Variants in C2CD5 observed in about 807,000 individuals in gnomAD.
C2CD5 encodes the protein C2 domain-containing protein 5.
C2CD5 carries 109 observed loss-of-function variants against 130.3 expected under a neutral mutation model. The ratio of observed to expected loss-of-function variants is 0.84; its 90% confidence interval spans 0.72 to 0.98. The LOEUF is 0.98. Among genes scored for constraint, C2CD5 ranks in the 50% least tolerant of loss-of-function variants. The probability of loss-of-function intolerance (pLI) is 0.00; values close to 1 mark genes in which losing one functional copy is unlikely to be tolerated. For missense variants in C2CD5, 996 were observed against 1,261.8 expected, an observed-to-expected ratio of 0.79 and a Z score of 3.19; for synonymous variants, 454 against 429.2, an observed-to-expected ratio of 1.06 and a Z score of -0.71.
intron 15 of C2CD5, 43 bp from the exon 16 acceptor site, chr12:22,474,934 T>C (rs1324403464): frequency 2.9e-6 from 4 of 1,382,336 alleles, no homozygotes; most frequent in South Asian, 1.6e-5. Flanking sequence ...AGATTGTCTT[T>C]TCCAGTTTAA....
At chr12:22,477,840 A>G (rs189244796) in intron 15 of C2CD5, among the ~76,000 whole-genome samples, 141 of 152,292 alleles carry the variant, frequency 9.3e-4, no homozygotes, top group African/African-American at 3.2e-3. Flanking sequence ...TTTACCACCA[A>G]TAAGAATCTC....
chr12:22,453,479 T>G (rs1939132027), intron 26 of C2CD5, among the ~76,000 whole-genome samples: 1 of 152,206 alleles, frequency 6.6e-6, no homozygotes, highest in Non-Finnish European at 1.5e-5. Context: ...AGAATAACAC[T>G]ACTTACTAGA....
chr12:22,514,753 T>C (rs1163556627), intron 8 of C2CD5, among the ~76,000 whole-genome samples: 1 of 151,984 alleles, frequency 6.6e-6, no homozygotes, highest in Non-Finnish European at 1.5e-5. Context: ...TATGTCCTTA[T>C]ATAATTTTTT....
chr12:22,485,550 G>A (rs903394503), intron 12 of C2CD5, among the ~76,000 whole-genome samples: 1 of 151,678 alleles, frequency 6.6e-6, no homozygotes, highest in African/African-American at 2.4e-5. Flanking sequence ...AAAATAGTAA[G>A]TCAAAAACAG....
chr12:22,538,201 CT>C (rs1277762750), intron 2 of C2CD5, among the ~76,000 whole-genome samples: 1 of 152,134 alleles, frequency 6.6e-6, no homozygotes, highest in Admixed American at 6.5e-5. Context: ...GTTTAGTCAT[CT>C]TTTTTTGCAT....
chr12:22,499,831 T>G (rs1947522296), intron 10 of C2CD5, among the ~76,000 whole-genome samples: 1 of 152,242 alleles, frequency 6.6e-6, no homozygotes, highest in African/African-American at 2.4e-5. Context: ...AGCAGCATGA[T>G]AAGTAAAGGT....
At chr12:22,484,634 A>T in intron 13 of C2CD5, 63 bp downstream of exon 13, 1 of 840,576 alleles carries the variant, frequency 1.2e-6, no homozygotes, top group African/African-American at 1.8e-5. Flanking sequence ...ACTTAAAAAT[A>T]GGTTTACGGC....
chr12:22,482,259 C>A (rs530620224), intron 14 of C2CD5, among the ~76,000 whole-genome samples: 5 of 152,222 alleles, frequency 3.3e-5, no homozygotes, highest in Admixed American at 6.5e-5. Context: ...GATGGAGGAA[C>A]CCTGTTTTAG....
At chr12:22,476,460 C>T (rs1389279697) in intron 15 of C2CD5, among the ~76,000 whole-genome samples, 3 of 152,054 alleles carry the variant, frequency 2.0e-5, no homozygotes, top group Non-Finnish European at 4.4e-5. Flanking sequence ...TCATCCTCAA[C>T]ACATGAAATT....
intron 2 of C2CD5, among the ~76,000 whole-genome samples, chr12:22,542,647 C>A (rs114594107): frequency 3.2e-4 from 49 of 152,364 alleles, no homozygotes; most frequent in African/African-American, 1.1e-3. Context: ...AGACAGAATT[C>A]TTTCCATATT....
At chr12:22,462,154 A>G (rs1941282435) in intron 22 of C2CD5, among the ~76,000 whole-genome samples, 1 of 152,356 alleles carries the variant, frequency 6.6e-6, no homozygotes, top group South Asian at 2.1e-4. Flanking sequence ...TGCAGTCTCT[A>G]GACTAATACT....
At chr12:22,487,547 A>AT (rs1945707978) in intron 12 of C2CD5, among the ~76,000 whole-genome samples, 3 of 152,166 alleles carry the variant, frequency 2.0e-5, no homozygotes, top group African/African-American at 7.2e-5. Context: ...AAAAGTCAGG[A>AT]AACAACAGGT....
In C2CD5 at chr12:22,478,437, C is replaced by G. The variant is rs1371504360; in HGVS notation, c.1778G>C (p.Gly593Ala). The change falls in exon 15 of 27, where the codon GGT becomes GCT. Residue 593 changes from glycine (G) to alanine (A), a missense_variant. This residue lies in a region of C2CD5 where 590 missense variants were observed against 631.4 expected (regional missense o/e 0.93). Transcript: ENST00000446597. ...AGTCTTCCCAGCAATCTGAATACCA[C>G]CAGGAGTTGGTAAAGCTGCTAAATA... is the stretch of plus-strand genomic sequence containing the variant. Reference protein sequence around the residue: ...GVYLAALPTPGGIQIAGKTPN... With the variant: ...GVYLAALPTPAGIQIAGKTPN... 6.2e-7 allele frequency: 1 copy of G among 1,613,238 alleles called. No homozygotes were observed. Among genetic ancestry groups the G allele is most frequent in the Non-Finnish European group, 8.5e-7 (1 of 1,179,328 alleles).
At chr12:22,493,933 TA>T (rs1946680918) in intron 10 of C2CD5, among the ~76,000 whole-genome samples, 1 of 151,930 alleles carries the variant, frequency 6.6e-6, no homozygotes, top group African/African-American at 2.4e-5. Context: ...ACACTTAAAA[TA>T]TTAACACAAA....
Position 22,469,761 on chromosome 12 carries a change from T to C in C2CD5, c.2481A>G (p.Pro827=). 6.2e-7 allele frequency: 1 copy of C among 1,605,638 alleles called. No homozygotes were observed. ...GAAGTGAATCTGAACACAGTTCCAG[T>C]GGAAATTGTAAAAGTTCTTCATTAT... ...STDNEELLQF[P]LELCSDSLPS... Residue 827 remains proline (P), a synonymous_variant, in exon 22 of 27, where the codon CCA becomes CCG. Coordinates refer to ENST00000446597, the MANE Select transcript of C2CD5 (RefSeq NM_001286176.2).
intron 9 of C2CD5, among the ~76,000 whole-genome samples, chr12:22,509,026 G>A (rs919219190): frequency 2.6e-5 from 4 of 151,604 alleles, no homozygotes; most frequent in South Asian, 4.1e-4. Flanking sequence ...ACAGGCGCCC[G>A]CCACCGCGCC....
intron 10 of C2CD5, 96 bp downstream of exon 10, chr12:22,506,610 TTTCTC>T: frequency 1.4e-6 from 1 of 706,186 alleles, no homozygotes; most frequent in Non-Finnish European, 2.5e-6. Context: ...TTTCTTTTCA[TTTCTC>T]TTTTCAGTTA....
rs759852052 is a variant in C2CD5, at chr12:22,484,903, A to G, written c.1359-15T>C. 6 of 1,297,386 alleles carry G rather than the reference A, an allele frequency of 4.6e-6. No homozygotes were observed. The highest frequency in any genetic ancestry group is 6.2e-6 in the Non-Finnish European group (6 of 968,062). 80.4% of individuals were successfully genotyped at this position (1,297,386 alleles called of 1,614,324 possible). A position where few individuals can be genotyped will look rare whatever the true frequency, so the allele number is the denominator to read the frequency against. On this transcript the variant is annotated splice_polypyrimidine_tract_variant and intron_variant, in intron 12 of 26. Coordinates refer to ENST00000446597, the MANE Select transcript of C2CD5 (RefSeq NM_001286176.2). ...TTTCTTCAAGCCTATATAAATAAAT[A>G]AAAAAATAAGATATTCTTTAAAAAT...
At chr12:22,512,646 CCCG>C (rs1949310354) in intron 9 of C2CD5, 1 of 1,487,234 alleles carries the variant, frequency 6.7e-7, no homozygotes, top group Admixed American at 2.2e-5. Flanking sequence ...CAGAAACATA[CCCG>C]CCTTCTACAG....
Sources: allele counts gnomAD v4.1 joint callset (sites outside exome capture counted in the v4.1 genomes callset), GRCh38; gene constraint gnomAD v4.1.1; regional missense constraint gnomAD v4.1.1; transcripts MANE v1.5; gene names NCBI Gene and HGNC (gene_info 2026-07-23, HGNC 2026-07-21).